KANSL1: variants seen among roughly 807,000 people sequenced by gnomAD.
The protein encoded by KANSL1 is KAT8 regulatory NSL complex subunit 1, also known as MLL1/MLL complex subunit KANSL1.
Under a neutral mutation model 103.6 loss-of-function variants are expected in KANSL1, and 22 were observed. The observed-to-expected ratio is 0.21, with a 90% CI of 0.15 to 0.30. The LOEUF (loss-of-function observed/expected upper bound fraction) is 0.30, where lower values mean the gene tolerates loss of function less well. KANSL1 is among the 10% of genes least tolerant of loss of function. KANSL1 has a pLI of 1.00. For missense variants in KANSL1, 1,337 were observed against 1,399.8 expected, an observed-to-expected ratio of 0.96 and a Z score of 0.72; for synonymous variants, 600 against 527.6, an observed-to-expected ratio of 1.14 and a Z score of -1.88.
intron 2 of KANSL1, among the ~76,000 whole-genome samples, chr17:46,100,074 TAC>T (rs2042244024): frequency 6.6e-6 from 1 of 152,214 alleles, no homozygotes; most frequent in African/African-American, 2.4e-5. Flanking sequence ...TCGTTCTTTT[TAC>T]ACAGTTAGAC....
At chr17:46,135,376 A>G (rs1219687585) in intron 2 of KANSL1, among the ~76,000 whole-genome samples, 6 of 134,808 alleles carry the variant, frequency 4.5e-5, no homozygotes, top group Non-Finnish European at 7.0e-5. Context: ...AAAACATAAA[A>G]CATAGTATGG....
intron 2 of KANSL1, among the ~76,000 whole-genome samples, chr17:46,150,992 T>C (rs1163178165): frequency 6.7e-6 from 1 of 150,362 alleles, no homozygotes; most frequent in Non-Finnish European, 1.5e-5. Context: ...AATAAAGACA[T>C]GAGCAGTCTC....
intron 3 of KANSL1, among the ~76,000 whole-genome samples, chr17:46,086,970 G>T (rs2079187808): frequency 6.6e-6 from 1 of 152,160 alleles, no homozygotes; most frequent in South Asian, 2.1e-4. Flanking sequence ...GTTTCACCAT[G>T]TTGCCAAGGC....
intron 1 of KANSL1, among the ~76,000 whole-genome samples, chr17:46,214,347 A>C (rs1292675503): frequency 2.6e-5 from 4 of 152,190 alleles, no homozygotes; most frequent in Non-Finnish European, 5.9e-5. Flanking sequence ...TCATTTACTA[A>C]GTGCCATCAA....
intron 2 of KANSL1, among the ~76,000 whole-genome samples, chr17:46,146,789 C>T (rs1384153250): frequency 6.4e-5 from 7 of 108,804 alleles, no homozygotes; most frequent in African/African-American, 1.1e-4. Context: ...GCCGAGATCC[C>T]GCCACTGCAC....
intron 2 of KANSL1, among the ~76,000 whole-genome samples, chr17:46,104,241 T>C (rs966569977): frequency 6.6e-6 from 1 of 152,226 alleles, no homozygotes; most frequent in African/African-American, 2.4e-5. Context: ...GGTAAACATA[T>C]ACATATTATA....
chr17:46,131,274 G>A (rs1195418691), intron 2 of KANSL1, among the ~76,000 whole-genome samples: 1 of 152,230 alleles, frequency 6.6e-6, no homozygotes, highest in East Asian at 1.9e-4. Context: ...AATATGGGTA[G>A]CATTTTAAGG....
chr17:46,071,322 T>G (rs1273878502), intron 4 of KANSL1, among the ~76,000 whole-genome samples: 2 of 152,176 alleles, frequency 1.3e-5, no homozygotes, highest in Non-Finnish European at 2.9e-5. Context: ...CACTGGATAC[T>G]CAGGAAGGAT....
intron 10 of KANSL1, chr17:46,035,740 GAATA>G (rs1209559238): frequency 6.6e-6 from 1 of 152,156 alleles, no homozygotes; most frequent in Admixed American, 6.5e-5. Context: ...TCTTGGTCAA[GAATA>G]AATGTGAAAC....
At chr17:46,183,359 C>T (rs1301935001) in intron 1 of KANSL1, among the ~76,000 whole-genome samples, 9 of 152,004 alleles carry the variant, frequency 5.9e-5, no homozygotes, top group Non-Finnish European at 1.2e-4. Context: ...GCAGGAGGAT[C>T]GCCTGAGCCC....
intron 2 of KANSL1, among the ~76,000 whole-genome samples, chr17:46,116,919 A>G (rs371880310): frequency 6.6e-6 from 1 of 152,288 alleles, no homozygotes; most frequent in African/African-American, 2.4e-5. Flanking sequence ...ATGGCAAAAT[A>G]ATCTCAGTAA....
chr17:46,129,193 G>C (rs2043724127), intron 2 of KANSL1, among the ~76,000 whole-genome samples: 1 of 152,144 alleles, frequency 6.6e-6, no homozygotes, highest in East Asian at 1.9e-4. Context: ...CAAAGGAACA[G>C]TGCAGTATGT....
At chr17:46,130,416 A>C (rs1259077913) in intron 2 of KANSL1, among the ~76,000 whole-genome samples, 1 of 152,236 alleles carries the variant, frequency 6.6e-6, no homozygotes, top group Non-Finnish European at 1.5e-5. Context: ...TAAAGAAACA[A>C]CACTTTCAGA....
intron 7 of KANSL1, chr17:46,050,136 G>C (rs529978939): frequency 6.0e-6 from 1 of 166,464 alleles, no homozygotes; most frequent in Non-Finnish European, 1.3e-5. Flanking sequence ...GGCTGGTCTA[G>C]AACTCCTGAC....
intron 4 of KANSL1, among the ~76,000 whole-genome samples, chr17:46,079,719 G>A (rs1022465612): frequency 5.3e-5 from 8 of 152,220 alleles, no homozygotes; most frequent in Non-Finnish European, 1.2e-4. Flanking sequence ...GTTCACACCT[G>A]TAATCCCAGC....
At chr17:46,154,784 T>C (rs2045325120) in intron 2 of KANSL1, among the ~76,000 whole-genome samples, 1 of 152,224 alleles carries the variant, frequency 6.6e-6, no homozygotes, top group African/African-American at 2.4e-5. Flanking sequence ...AATCAGAGCA[T>C]AAGTAACCCA....
At chr17:46,060,041 C>T (rs760240383) in intron 6 of KANSL1, among the ~76,000 whole-genome samples, 1 of 152,136 alleles carries the variant, frequency 6.6e-6, no homozygotes, top group Non-Finnish European at 1.5e-5. Context: ...ACTTGATACA[C>T]GAAGAAATTC....
intron 3 of KANSL1, among the ~76,000 whole-genome samples, chr17:46,087,852 T>C (rs1480812806): frequency 7.4e-6 from 1 of 135,880 alleles, no homozygotes; most frequent in African/African-American, 2.5e-5. Flanking sequence ...AAAAGAAAGG[T>C]TAGCATTAGC....
At chr17:46,066,457 C>T in intron 6 of KANSL1, 80 bp downstream of exon 6, 1 of 1,316,686 alleles carries the variant, frequency 7.6e-7, no homozygotes, top group Non-Finnish European at 1.0e-6. Flanking sequence ...GTTTAGAAAA[C>T]ACCAAAGTTG....
Sources: gnomAD v4.1 joint callset for allele counts (sites outside exome capture counted in the v4.1 genomes callset) on GRCh38, gnomAD v4.1.1 for gene constraint, MANE v1.5 for transcripts, NCBI Gene and HGNC (gene_info 2026-07-23, HGNC 2026-07-21) for gene names.